The following GRIK2 variants were observed in gnomAD, a reference collection of about 807,000 sequenced individuals.
GRIK2 encodes glutamate ionotropic receptor kainate type subunit 2.
GRIK2 carries 32 observed loss-of-function variants against 100.3 expected under a neutral mutation model. The observed-to-expected ratio is 0.32, with a 90% CI of 0.24 to 0.43. GRIK2 has a LOEUF of 0.43. Ranked by LOEUF, GRIK2 falls within the 20% of genes least tolerant of loss-of-function variation. The pLI is 1.00. For synonymous variants in GRIK2, 417 were observed against 389.4 expected, an observed-to-expected ratio of 1.07 and a Z score of -0.83; for missense variants, 843 against 1,114.9, an observed-to-expected ratio of 0.76 and a Z score of 3.47.
chr6:101,508,276 G>T (rs1774121405), intron 2 of GRIK2, among the ~76,000 whole-genome samples: 1 of 152,104 alleles, frequency 6.6e-6, no homozygotes, highest in East Asian at 1.9e-4. Flanking sequence ...ATTGGGTGTT[G>T]CTAAGGTATC....
At chr6:102,017,490 T>G (rs1321332757) in intron 14 of GRIK2, among the ~76,000 whole-genome samples, 1 of 152,108 alleles carries the variant, frequency 6.6e-6, no homozygotes, top group Non-Finnish European at 1.5e-5. Context: ...CTAGGTATAG[T>G]TTTTTTGTTT....
rs188092476 is a variant in GRIK2, at chr6:101,716,532, A to G, written c.951+30179A>G. Among the ~76,000 whole-genome samples, 21 of 141,390 alleles carry G rather than the reference A, an allele frequency of 1.5e-4. 1 individual carries two copies. In the East Asian group the frequency reaches 4.5e-3, roughly 30 times the overall value. 92.8% of individuals were successfully genotyped at this position (141,390 alleles called of 152,430 possible). A position where few individuals can be genotyped will look rare whatever the true frequency, so the allele number is the denominator to read the frequency against. ...TTCTTATGGACTCCACTGACAACCT[A>G]TGGAGAGACAATGCTTTTGTACTGG... On this transcript the variant is annotated intron_variant, in intron 7 of 16. Transcript: ENST00000369134.
chr6:101,889,021 T>TA (rs1282161598), intron 11 of GRIK2, among the ~76,000 whole-genome samples: 1 of 152,100 alleles, frequency 6.6e-6, no homozygotes, highest in Non-Finnish European at 1.5e-5. Context: ...TAATGCGATT[T>TA]AGGCAAGGCT....
At chr6:101,916,828 C>T (rs1789142769) in intron 12 of GRIK2, among the ~76,000 whole-genome samples, 1 of 151,642 alleles carries the variant, frequency 6.6e-6, no homozygotes, top group African/African-American at 2.4e-5. Context: ...TTATATGTAA[C>T]ATTTTCAATA....
At chr6:101,792,936 T>A (rs1779991203) in intron 7 of GRIK2, among the ~76,000 whole-genome samples, 1 of 152,172 alleles carries the variant, frequency 6.6e-6, no homozygotes, top group Admixed American at 6.5e-5. Context: ...TAAACTTCCC[T>A]TCTCGCTTCA....
At chr6:101,696,921 C>T (rs528733107) in intron 7 of GRIK2, among the ~76,000 whole-genome samples, 8 of 151,870 alleles carry the variant, frequency 5.3e-5, no homozygotes, top group Non-Finnish European at 8.8e-5. Context: ...GAATTTCACA[C>T]CAGTTTTGGG....
intron 2 of GRIK2, among the ~76,000 whole-genome samples, chr6:101,530,085 A>T (rs1775356803): frequency 1.3e-5 from 2 of 152,064 alleles, no homozygotes; most frequent in Non-Finnish European, 1.5e-5. Context: ...CATGCTGACT[A>T]CATATTGAGT....
intron 2 of GRIK2, among the ~76,000 whole-genome samples, chr6:101,579,118 TCA>T (rs145006363): frequency 4.6e-5 from 7 of 150,974 alleles, no homozygotes; most frequent in Non-Finnish European, 5.9e-5. Flanking sequence ...ATGCCTGATG[TCA>T]CACACACACA....
intron 7 of GRIK2, among the ~76,000 whole-genome samples, chr6:101,765,557 T>C (rs1353312802): frequency 6.6e-6 from 1 of 152,152 alleles, no homozygotes; most frequent in Non-Finnish European, 1.5e-5. Flanking sequence ...AGACTGCATT[T>C]ATTTTGCAAA....
intron 14 of GRIK2, among the ~76,000 whole-genome samples, chr6:101,946,869 T>A (rs1791312019): frequency 6.6e-6 from 1 of 152,080 alleles, no homozygotes; most frequent in Non-Finnish European, 1.5e-5. Context: ...CAGGAGATAG[T>A]TCTACAACTT....
chr6:101,840,105 A>G, intron 10 of GRIK2, among the ~76,000 whole-genome samples: 1 of 152,160 alleles, frequency 6.6e-6, no homozygotes, highest in Admixed American at 6.5e-5. Context: ...ACACTATTTC[A>G]GTGATTCTGT....
chr6:101,610,127 A>G (rs1021373778), intron 2 of GRIK2, among the ~76,000 whole-genome samples: 2 of 151,582 alleles, frequency 1.3e-5, no homozygotes, highest in African/African-American at 4.8e-5. Context: ...AAAAATATAC[A>G]TTTATATATA....
intron 1 of GRIK2, among the ~76,000 whole-genome samples, chr6:101,396,348 A>G (rs1775009586): frequency 6.6e-6 from 1 of 151,910 alleles, no homozygotes; most frequent in African/African-American, 2.4e-5. Context: ...GAAAGTGATA[A>G]CTAATTGTAC....
chr6:101,405,126 GC>G (rs1775526881), intron 2 of GRIK2, among the ~76,000 whole-genome samples: 1 of 152,074 alleles, frequency 6.6e-6, no homozygotes, highest in Non-Finnish European at 1.5e-5. Context: ...TAAATAGAAC[GC>G]CCTTAACAAG....
intron 4 of GRIK2, among the ~76,000 whole-genome samples, chr6:101,659,365 T>G (rs1407794276): frequency 6.6e-6 from 1 of 152,168 alleles, no homozygotes; most frequent in African/African-American, 2.4e-5. Context: ...GTTCCATTGG[T>G]CTGTATATCT....
At chr6:101,804,064 CA>C (rs1472904990) in intron 9 of GRIK2, among the ~76,000 whole-genome samples, 1 of 151,788 alleles carries the variant, frequency 6.6e-6, no homozygotes, top group East Asian at 1.9e-4. Flanking sequence ...TAAATAAATA[CA>C]ATCAAAAGCT....
intron 14 of GRIK2, among the ~76,000 whole-genome samples, chr6:102,016,405 A>G (rs1415220311): frequency 6.6e-6 from 1 of 152,162 alleles, no homozygotes. Flanking sequence ...CAGAGCTTGA[A>G]GACTGTTTTT....
At chr6:101,680,659 C>G (rs867889557) in intron 5 of GRIK2, among the ~76,000 whole-genome samples, 2 of 152,194 alleles carry the variant, frequency 1.3e-5, no homozygotes, top group South Asian at 4.2e-4. Context: ...ACCTTTATCT[C>G]TAGTTCTATA....
intron 2 of GRIK2, among the ~76,000 whole-genome samples, chr6:101,410,760 G>A (rs12195470): frequency 0.28 from 42,132 of 151,960 alleles, 6,063 homozygotes; most frequent in African/African-American, 0.38. Flanking sequence ...TGTATTACAA[G>A]CCTGCACATG....
Sources: allele counts gnomAD v4.1 joint callset (sites outside exome capture counted in the v4.1 genomes callset), GRCh38; gene constraint gnomAD v4.1.1; transcripts MANE v1.5; gene names NCBI Gene and HGNC (gene_info 2026-07-23, HGNC 2026-07-21).